Variants in ADPGK observed in about 807,000 individuals in gnomAD.
ADPGK encodes the protein ADP dependent glucokinase.
In ADPGK, 26 loss-of-function variants were observed where a neutral mutation model predicts 42.4. The observed-to-expected ratio is 0.61, with a 90% CI of 0.45 to 0.85. The LOEUF is 0.85. Among genes scored for constraint, ADPGK ranks in the 40% least tolerant of loss-of-function variants. ADPGK has a pLI of 0.00. For synonymous variants in ADPGK, 267 were observed against 252.6 expected (o/e 1.06, Z -0.54); for missense variants, 571 against 627.0 (o/e 0.91, Z 0.95).
rs529654429 is a variant in ADPGK, at chr15:72,768,040, G to GA, written c.522+3742dup. ...ATAAACCTCTAGCCAAGCTGATCAG[G>GA]AAAAAAAAGAAGATACAAATGACCA... On this transcript the variant is annotated intron_variant, in intron 3 of 6. Transcript: ENST00000456471. 1.6e-3 allele frequency among the ~76,000 whole-genome samples: 246 copies of GA among 151,040 alleles called. 1 individual carries two copies. Among genetic ancestry groups the GA allele is most frequent in the Admixed American group, 3.4e-3 (52 of 15,204 alleles).
intron 4 of ADPGK, 81 bp downstream of exon 4, chr15:72,760,326 T>C: frequency 7.0e-7 from 1 of 1,433,914 alleles, no homozygotes; most frequent in African/African-American, 1.4e-5. Flanking sequence ...CAAAGATAAA[T>C]TTCCGGCACA....
rs368309036 is a variant in ADPGK, at chr15:72,774,932, G to A, written c.399C>T (p.Phe133=). 2.5e-6 allele frequency: 4 copies of A among 1,614,066 alleles called. No individual in the cohort carries two copies. Among genetic ancestry groups the A allele is most frequent in the Non-Finnish European group, 3.4e-6 (4 of 1,180,052 alleles). The change falls in exon 2 of 7, where the codon TTC becomes TTT. Residue 133 remains phenylalanine, a synonymous_variant. Coordinates refer to ENST00000456471, the MANE Select transcript of ADPGK (RefSeq NM_001365225.1). ...MGKGAAAERF[F]SDKETFHDIA... is the part of the protein sequence containing the mutation. ...TGTCGTGAAAAGTTTCCTTATCACTGAAGAAGCGCTCAGCAGCTGCTCCCT... is the reference window on the plus strand; with the variant it reads ...TGTCGTGAAAAGTTTCCTTATCACTAAAGAAGCGCTCAGCAGCTGCTCCCT...
At chr15:72,771,734 T>G in intron 3 of ADPGK, 49 bp downstream of exon 3, 1 of 1,533,690 alleles carries the variant, frequency 6.5e-7, no homozygotes, top group Non-Finnish European at 9.0e-7. Flanking sequence ...CCTAAAATTA[T>G]TGAAACACTA....
intron 4 of ADPGK, chr15:72,760,107 T>C (rs2066173356): frequency 5.6e-6 from 1 of 179,704 alleles, no homozygotes; most frequent in Admixed American, 6.0e-5. Context: ...TATATATGTG[T>C]GTTTAACACG....
Position 72,766,594 on chromosome 15 carries a change from A to G in ADPGK, c.522+5189T>C, listed in dbSNP as rs556578243. 2.5e-4 allele frequency among the ~76,000 whole-genome samples: 38 copies of G among 152,230 alleles called. 1 individual carries two copies. The highest frequency in any genetic ancestry group is 4.3e-4 in the Non-Finnish European group (29 of 68,044). On this transcript the variant is annotated intron_variant, in intron 3 of 6. Coordinates refer to ENST00000456471, the MANE Select transcript of ADPGK (RefSeq NM_001365225.1). ...CATAATGGTACTGCACACTTACTTG[A>G]CGATAGTACGGTGTAAACATACCTT... is the stretch of plus-strand genomic sequence containing the variant.
chr15:72,769,663 T>G (rs2066305166), intron 3 of ADPGK, among the ~76,000 whole-genome samples: 2 of 152,356 alleles, frequency 1.3e-5, no homozygotes, highest in Admixed American at 6.5e-5. Flanking sequence ...CTCCTGAAAT[T>G]TGGCTTCTAT....
rs2066446071 is a variant in ADPGK, at chr15:72,780,621, T to C, written c.233+2838A>G. On this transcript the variant is annotated intron_variant, in intron 1 of 6. Transcript: ENST00000456471. ...AGACCAGCCTGAGCAACTTGGCAAA[T>C]CCTGTCCCTACCAAGAATATAAAAA... 2.0e-5 allele frequency among the ~76,000 whole-genome samples: 3 copies of C among 152,018 alleles called. No homozygotes were observed. The South Asian group carries it at 6.2e-4, about 31-fold the overall frequency.
In ADPGK at chr15:72,783,711, C is replaced by G; in HGVS notation, c.-20G>C. 6.9e-7 allele frequency: 1 copy of G among 1,448,070 alleles called. No individual in the cohort carries two copies. Among genetic ancestry groups the G allele is most frequent in the Non-Finnish European group, 9.0e-7 (1 of 1,107,328 alleles). 89.7% of individuals were successfully genotyped at this position (1,448,070 alleles called of 1,614,324 possible). A position where few individuals can be genotyped will look rare whatever the true frequency, so the allele number is the denominator to read the frequency against. On this transcript the variant is annotated 5_prime_UTR_variant, in exon 1 of 7. Coordinates refer to ENST00000456471, the MANE Select transcript of ADPGK (RefSeq NM_001365225.1). ...CGCCATGGGGACCCAGGCGCCGCAC[C>G]TGCGCGAACCAACTCCTTTCCTAGC...
In ADPGK at chr15:72,751,439, A is replaced by G. The variant is rs908289969; in HGVS notation, c.*902T>C. On this transcript the variant is annotated 3_prime_UTR_variant, in exon 7 of 7. Coordinates refer to ENST00000456471, the MANE Select transcript of ADPGK (RefSeq NM_001365225.1). Reference sequence around the variant, plus strand: ...TCTTGATTTATAAAAAAATAAATATATAACATGACAAATTTACTGATGATC... The same window carrying G: ...TCTTGATTTATAAAAAAATAAATATGTAACATGACAAATTTACTGATGATC... 1.3e-5 allele frequency: 2 copies of G among 152,680 alleles called. No homozygotes were observed. The highest frequency in any genetic ancestry group is 1.9e-4 in the East Asian group (1 of 5,204). The allele number at this position is 152,680 out of a possible 1,614,324, so 9.5% of individuals were successfully genotyped here. A position where few individuals can be genotyped will look rare whatever the true frequency, so the allele number is the denominator to read the frequency against.
At position 72,756,448 on chromosome 15, in the gene ADPGK, C is replaced by T; in HGVS notation, c.644-1G>A. 6.2e-7 allele frequency: 1 copy of T among 1,614,092 alleles called. No individual in the cohort carries two copies. The highest frequency in any genetic ancestry group is 2.2e-5 in the East Asian group (1 of 44,864). ...GCTTTTAACTGGCCCCACTCCTCCC[C>T]TGGAAAAACCCAGTCAACACAATGG... is the stretch of plus-strand genomic sequence containing the variant. On this transcript the variant is annotated splice_acceptor_variant, in intron 4 of 6. Coordinates refer to ENST00000456471, the MANE Select transcript of ADPGK (RefSeq NM_001365225.1). LOFTEE classifies it high-confidence loss of function.
intron 2 of ADPGK, among the ~76,000 whole-genome samples, chr15:72,772,269 C>A (rs1369864210): frequency 2.0e-5 from 3 of 152,138 alleles, no homozygotes; most frequent in African/African-American, 7.2e-5. Flanking sequence ...GCACATATGG[C>A]CTTTATCTAA....
intron 4 of ADPGK, among the ~76,000 whole-genome samples, chr15:72,759,099 G>A (rs2066156518): frequency 6.6e-6 from 1 of 152,092 alleles, no homozygotes; most frequent in African/African-American, 2.4e-5. Flanking sequence ...CTCCACACCT[G>A]GCTAATTTTT....
At chr15:72,774,128 C>T (rs1390630235) in intron 2 of ADPGK, among the ~76,000 whole-genome samples, 1 of 152,216 alleles carries the variant, frequency 6.6e-6, no homozygotes, top group African/African-American at 2.4e-5. Flanking sequence ...CAGGCGTGAG[C>T]CACTGTGCCC....
intron 2 of ADPGK, 95 bp downstream of exon 2, chr15:72,774,777 A>C: frequency 2.5e-6 from 3 of 1,194,814 alleles, no homozygotes; most frequent in Non-Finnish European, 3.5e-6. Context: ...CCTCCTCTTC[A>C]AACTGGAATG....
chr15:72,769,054 CCA>C (rs1461077802), intron 3 of ADPGK, among the ~76,000 whole-genome samples: 2 of 151,310 alleles, frequency 1.3e-5, no homozygotes, highest in South Asian at 4.2e-4. Context: ...GACAGCAAAA[CCA>C]CAGACATTAC....
At chr15:72,753,360 A>G (rs1298939720) in intron 6 of ADPGK, among the ~76,000 whole-genome samples, 1 of 152,248 alleles carries the variant, frequency 6.6e-6, no homozygotes, top group East Asian at 1.9e-4. Context: ...AGCAAAAAGC[A>G]TACAGTTTCA....
At chr15:72,755,721 G>T in intron 5 of ADPGK, 67 bp from the exon 6 acceptor site, 2 of 1,290,630 alleles carry the variant, frequency 1.5e-6, no homozygotes, top group East Asian at 2.3e-5. Flanking sequence ...GGGAAGAAAA[G>T]ATCAGATCCT....
Position 72,783,554 on chromosome 15 carries a change from C to A in ADPGK, c.138G>T (p.Ala46=). The A allele has an allele frequency of 6.7e-7, 1 of 1,497,634 alleles. No individual in the cohort carries two copies. The highest frequency in any genetic ancestry group is 8.8e-7 in the Non-Finnish European group (1 of 1,130,836). The allele number at this position is 1,497,634 out of a possible 1,614,324, so 92.8% of individuals were successfully genotyped here. ...CCTCGGGGGAGACGGGTCCCGGGGG[C>A]GCAGGCGCGGGCCCCAGACACAGCG... ...WSSLCLGPAP[A]PPGPVSPEGR... Residue 46 remains alanine (A), a synonymous_variant, in exon 1 of 7, where the codon GCG becomes GCT. Coordinates refer to ENST00000456471, the MANE Select transcript of ADPGK (RefSeq NM_001365225.1).
At chr15:72,766,975 C>G (rs2066268628) in intron 3 of ADPGK, among the ~76,000 whole-genome samples, 1 of 152,146 alleles carries the variant, frequency 6.6e-6, no homozygotes, top group Admixed American at 6.5e-5. Context: ...GGTCTAAACA[C>G]TCCGATTAAA....
Sources: allele counts gnomAD v4.1 joint callset (sites outside exome capture counted in the v4.1 genomes callset), GRCh38; gene constraint gnomAD v4.1.1; transcripts MANE v1.5; gene names NCBI Gene and HGNC (gene_info 2026-07-23, HGNC 2026-07-21).